The following ADAMTS18 variants were observed in gnomAD, a reference collection of about 807,000 sequenced individuals.
The protein encoded by ADAMTS18 is ADAM metallopeptidase with thrombospondin type 1 motif 18, also known as A disintegrin and metalloproteinase with thrombospondin motifs 18.
A neutral mutation model predicts 165.9 loss-of-function variants in ADAMTS18; 157 were observed. That is an observed-to-expected ratio of 0.95 (90% CI 0.83 to 1.08). ADAMTS18 has a LOEUF of 1.08. ADAMTS18 is among the 50% of genes least tolerant of loss of function. ADAMTS18 has a pLI of 0.00. For missense variants in ADAMTS18, 2,040 were observed against 1,534.0 expected, an observed-to-expected ratio of 1.33 and a Z score of -5.51; for synonymous variants, 782 against 578.2, an observed-to-expected ratio of 1.35 and a Z score of -5.06.
At chr16:77,401,899 T>C (rs1400960352) in intron 3 of ADAMTS18, among the ~76,000 whole-genome samples, 1 of 152,186 alleles carries the variant, frequency 6.6e-6, no homozygotes, top group African/African-American at 2.4e-5. Context: ...AGTTTAGGAC[T>C]TACATCAGCA....
At chr16:77,354,785 T>G (rs2056604118) in intron 9 of ADAMTS18, among the ~76,000 whole-genome samples, 1 of 152,220 alleles carries the variant, frequency 6.6e-6, no homozygotes, top group African/African-American at 2.4e-5. Context: ...ATTATAACAT[T>G]TAACTACAAA....
In ADAMTS18 at chr16:77,360,694, C is replaced by T. The variant is rs115345146; in HGVS notation, c.1217-1271G>A. Among the ~76,000 whole-genome samples the T allele has an allele frequency of 3.5e-3, 527 of 152,288 alleles. 6 individuals carry two copies. The highest frequency in any genetic ancestry group is 0.012 in the African/African-American group (496 of 41,564). On this transcript the variant is annotated intron_variant, in intron 7 of 22. Transcript: ENST00000282849. ...CTTTCTATGGAACAATTCCCAAAAT[C>T]ATTGTGTTTTTGAAGACTGTGATTA...
At chr16:77,395,170 G>GA in intron 3 of ADAMTS18, among the ~76,000 whole-genome samples, 1 of 152,268 alleles carries the variant, frequency 6.6e-6, no homozygotes, top group East Asian at 1.9e-4. Flanking sequence ...GGGGAAACTG[G>GA]AAACTCTTCT....
At chr16:77,288,860 C>G (rs11643318) in intron 22 of ADAMTS18, among the ~76,000 whole-genome samples, 50,649 of 152,032 alleles carry the variant, frequency 0.33, 10,509 homozygotes, top group Non-Finnish European at 0.47. Flanking sequence ...GACAGTAAAC[C>G]CAGAACTTGA....
chr16:77,401,482 A>G (rs2057330893), intron 3 of ADAMTS18, among the ~76,000 whole-genome samples: 1 of 152,206 alleles, frequency 6.6e-6, no homozygotes, highest in Non-Finnish European at 1.5e-5. Context: ...ATTTGCCCAA[A>G]TCCCACAGTC....
chr16:77,322,411 T>C lies in ADAMTS18; in HGVS notation c.2088A>G (p.Ala696=), dbSNP rs751500781. ...TTCCATCTTTCACTTTGCCGGACAT[T>C]GCAAAAAAAAATTCAAAGTTCTCAG... The part of the protein sequence containing the change: ...CKAENFEFFF[A]MSGKVKDGTP... The change falls in exon 14 of 23, where the codon GCA becomes GCG. Residue 696 remains alanine, a synonymous_variant. Transcript: ENST00000282849. 1.9e-6 allele frequency: 3 copies of C among 1,613,874 alleles called. No homozygotes were observed. The highest frequency in any genetic ancestry group is 2.5e-6 in the Non-Finnish European group (3 of 1,179,946).
intron 20 of ADAMTS18, among the ~76,000 whole-genome samples, chr16:77,291,943 T>C (rs1597082582): frequency 2.0e-5 from 3 of 152,192 alleles, no homozygotes; most frequent in African/African-American, 7.2e-5. Flanking sequence ...ATAATTGCTC[T>C]TTAAATATAC....
At chr16:77,396,028 T>C (rs752123244) in intron 3 of ADAMTS18, among the ~76,000 whole-genome samples, 3 of 152,204 alleles carry the variant, frequency 2.0e-5, no homozygotes, top group Non-Finnish European at 4.4e-5. Context: ...GACAAGACCA[T>C]TAATATTTTG....
At chr16:77,366,606 G>A (rs1460306002) in intron 4 of ADAMTS18, among the ~76,000 whole-genome samples, 6 of 152,066 alleles carry the variant, frequency 3.9e-5, no homozygotes, top group African/African-American at 1.4e-4. Flanking sequence ...AAAAGAAAAT[G>A]TTTTAAATGT....
At chr16:77,321,337 C>A (rs2055995277) in intron 14 of ADAMTS18, 135 bp from the exon 15 acceptor site, 11 of 1,219,470 alleles carry the variant, frequency 9.0e-6, no homozygotes, top group Non-Finnish European at 1.3e-5. Flanking sequence ...AAAATCACAG[C>A]CTCAAGTTGG....
At chr16:77,395,250 C>T (rs118003726) in intron 3 of ADAMTS18, among the ~76,000 whole-genome samples, 3,237 of 152,158 alleles carry the variant, frequency 0.021, 58 homozygotes, top group Middle Eastern at 0.061. Flanking sequence ...GGGTAGGGAG[C>T]GTTTGTAGGG....
At chr16:77,284,121 T>G in intron 22 of ADAMTS18, 50 bp from the exon 23 acceptor site, 1 of 1,321,248 alleles carries the variant, frequency 7.6e-7, no homozygotes, top group East Asian at 2.4e-5. Context: ...TCTATCCTTT[T>G]TCTTTTTTTT....
chr16:77,393,591 T>G (rs1380800533), intron 3 of ADAMTS18, among the ~76,000 whole-genome samples: 2 of 152,188 alleles, frequency 1.3e-5, no homozygotes, highest in Non-Finnish European at 2.9e-5. Context: ...CCCAGAGAGC[T>G]GCCTTGCTTC....
intron 3 of ADAMTS18, among the ~76,000 whole-genome samples, chr16:77,414,796 A>T (rs866342539): frequency 1.3e-5 from 2 of 152,340 alleles, no homozygotes; most frequent in Admixed American, 6.5e-5. Flanking sequence ...TAATCCATCA[A>T]TAAGAATTCT....
chr16:77,396,329 A>G (rs929600394), intron 3 of ADAMTS18, among the ~76,000 whole-genome samples: 14 of 152,252 alleles, frequency 9.2e-5, no homozygotes, highest in African/African-American at 2.9e-4. Flanking sequence ...ATATCAGCAG[A>G]AAGAAATTTA....
At chr16:77,295,216 G>A in intron 18 of ADAMTS18, 89 bp from the exon 19 acceptor site, 3 of 1,345,248 alleles carry the variant, frequency 2.2e-6, no homozygotes, top group Non-Finnish European at 3.2e-6. Context: ...ACCACCTATG[G>A]AAGCCATGAA....
intron 3 of ADAMTS18, among the ~76,000 whole-genome samples, chr16:77,405,782 T>G (rs770173777): frequency 6.6e-6 from 1 of 152,142 alleles, no homozygotes; most frequent in Non-Finnish European, 1.5e-5. Context: ...CCTCACATGG[T>G]AGAGAAGGAG....
chr16:77,395,963 A>G (rs1759595905), intron 3 of ADAMTS18, among the ~76,000 whole-genome samples: 1 of 152,182 alleles, frequency 6.6e-6, no homozygotes, highest in Admixed American at 6.5e-5. Flanking sequence ...TGAGTCAGGC[A>G]GGGTACCCAG....
At position 77,362,230 on chromosome 16, in the gene ADAMTS18, G is replaced by A. The variant is rs770474298; in HGVS notation, c.1091C>T (p.Ser364Phe). Residue 364 changes from serine to phenylalanine, a missense_variant, in exon 7 of 23, where the codon TCT (serine) becomes TTT (phenylalanine). Ser to Phe is a radical substitution (Grantham distance 155). Transcript: ENST00000282849. ...CTGCCATTGACAAAAACTATTCAGAGACTGGTCTGCATGATGGTTGATCAA... is the reference window on the plus strand; with the variant it reads ...CTGCCATTGACAAAAACTATTCAGAAACTGGTCTGCATGATGGTTGATCAA... The part of the protein sequence containing the change: ...GLLINHHADQ[S>F]LNSFCQWQSA... 1.2e-6 allele frequency: 2 copies of A among 1,614,156 alleles called. No individual in the cohort carries two copies. Among genetic ancestry groups the A allele is most frequent in the African/African-American group, 1.3e-5 (1 of 75,058 alleles).
Sources: gnomAD v4.1 joint callset for allele counts (sites outside exome capture counted in the v4.1 genomes callset) on GRCh38, gnomAD v4.1.1 for gene constraint, MANE v1.5 for transcripts, NCBI Gene and HGNC (gene_info 2026-07-23, HGNC 2026-07-21) for gene names.